Variants in GHR observed in about 807,000 individuals in gnomAD.
GHR encodes the protein GH receptor.
Under a neutral mutation model 67.1 loss-of-function variants are expected in GHR, and 35 were observed. The observed-to-expected ratio is 0.52, with a 90% confidence interval of 0.40 to 0.69. GHR has a LOEUF of 0.69. GHR is among the 30% of genes least tolerant of loss of function. The probability of loss-of-function intolerance (pLI) is 0.00; values close to 1 mark genes in which losing one functional copy is unlikely to be tolerated. For synonymous variants in GHR, 272 were observed against 269.1 expected (o/e 1.01, Z -0.10); for missense variants, 792 against 764.6 (o/e 1.04, Z -0.42).
intron 1 of GHR, among the ~76,000 whole-genome samples, chr5:42,481,027 G>T (rs996366151): frequency 7.3e-5 from 11 of 151,402 alleles, no homozygotes; most frequent in East Asian, 1.9e-4. Context: ...GGCTGGTACC[G>T]GTTGTTCCTT....
intron 1 of GHR, among the ~76,000 whole-genome samples, chr5:42,477,348 G>T (rs867146721): frequency 6.6e-6 from 1 of 152,118 alleles, no homozygotes. Flanking sequence ...ACATACGTGT[G>T]CATGTGTCTT....
intron 2 of GHR, among the ~76,000 whole-genome samples, chr5:42,618,490 G>A (rs922619131): frequency 6.6e-6 from 1 of 152,242 alleles, no homozygotes; most frequent in African/African-American, 2.4e-5. Flanking sequence ...AGAGCCTGCT[G>A]TGTGCAGAGT....
intron 1 of GHR, among the ~76,000 whole-genome samples, chr5:42,535,910 A>AT (rs1173302126): frequency 1.3e-5 from 2 of 151,326 alleles, no homozygotes; most frequent in African/African-American, 2.4e-5. Context: ...TTTATTTTTT[A>AT]TTTTTTTGGC....
intron 1 of GHR, among the ~76,000 whole-genome samples, chr5:42,488,459 A>G (rs1458788947): frequency 6.6e-6 from 1 of 152,178 alleles, no homozygotes; most frequent in Non-Finnish European, 1.5e-5. Context: ...GCTCTCTGAA[A>G]TACAACACCT....
At chr5:42,566,274 T>G (rs1177404677) in intron 2 of GHR, among the ~76,000 whole-genome samples, 1 of 152,216 alleles carries the variant, frequency 6.6e-6, no homozygotes, top group Non-Finnish European at 1.5e-5. Flanking sequence ...ACTGAAGGGT[T>G]ATTAGCTTAC....
intron 1 of GHR, among the ~76,000 whole-genome samples, chr5:42,510,055 C>A (rs915277579): frequency 1.3e-5 from 2 of 152,180 alleles, no homozygotes; most frequent in Non-Finnish European, 2.9e-5. Context: ...ATCGATCACC[C>A]CCCTAACTGC....
chr5:42,545,651 A>T (rs1274119315), intron 1 of GHR, among the ~76,000 whole-genome samples: 1 of 152,172 alleles, frequency 6.6e-6, no homozygotes, highest in Non-Finnish European at 1.5e-5. Context: ...ATTCTGTTTG[A>T]AGTGGAAATC....
At chr5:42,577,927 A>G (rs530452684) in intron 2 of GHR, among the ~76,000 whole-genome samples, 2 of 152,340 alleles carry the variant, frequency 1.3e-5, no homozygotes, top group African/African-American at 4.8e-5. Flanking sequence ...GTAGTTTTAT[A>G]TAGTACGTTA....
intron 1 of GHR, among the ~76,000 whole-genome samples, chr5:42,445,470 T>C (rs1162352512): frequency 1.3e-5 from 2 of 152,240 alleles, no homozygotes; most frequent in African/African-American, 4.8e-5. Flanking sequence ...TAGCCAGCTT[T>C]ATACTCTAAA....
intron 2 of GHR, among the ~76,000 whole-genome samples, chr5:42,616,594 T>A (rs1753162510): frequency 6.6e-6 from 1 of 151,618 alleles, no homozygotes; most frequent in Non-Finnish European, 1.5e-5. Flanking sequence ...ATGGAGAGGC[T>A]CAGACTAAGA....
Position 42,688,643 on chromosome 5 carries a change from T to G in GHR, c.137-247T>G, listed in dbSNP as rs570859059. Among the ~76,000 whole-genome samples, 15 of 152,264 alleles carry G rather than the reference T, an allele frequency of 9.9e-5. No individual in the cohort carries two copies. In the South Asian group the frequency reaches 2.7e-3, roughly 27 times the overall value. On this transcript the variant is annotated intron_variant, in intron 3 of 9. Coordinates refer to ENST00000230882, the MANE Select transcript of GHR (RefSeq NM_000163.5). ...GCTCTGGTTTCTTAAACAGGTCCTA[T>G]GAAATGCTTGAAATAAAAGGCAAAA...
In GHR at chr5:42,719,534, G is replaced by A; in HGVS notation, c.*110G>A. ...ACCTTTTTTGGGGGAGTGACAGGAT[G>A]GGGTATGGATTCTAAAATGCCTTTT... is the stretch of plus-strand genomic sequence containing the variant. On this transcript the variant is annotated 3_prime_UTR_variant, in exon 10 of 10. Transcript: ENST00000230882. 9.8e-7 allele frequency: 1 copy of A among 1,021,828 alleles called. No homozygotes were observed. The highest frequency in any genetic ancestry group is 1.3e-5 in the South Asian group (1 of 78,646). The allele number at this position is 1,021,828 out of a possible 1,614,324, so 63.3% of individuals were successfully genotyped here.
chr5:42,541,296 C>T (rs1259354904), intron 1 of GHR, among the ~76,000 whole-genome samples: 1 of 152,110 alleles, frequency 6.6e-6, no homozygotes, highest in Non-Finnish European at 1.5e-5. Flanking sequence ...CAAGAGCTTA[C>T]AGATGGGTGA....
At chr5:42,693,012 A>T (rs1757493069) in intron 4 of GHR, among the ~76,000 whole-genome samples, 1 of 151,988 alleles carries the variant, frequency 6.6e-6, no homozygotes, top group African/African-American at 2.4e-5. Flanking sequence ...AATTTTTTTA[A>T]CATTTCTCTT....
intron 1 of GHR, among the ~76,000 whole-genome samples, chr5:42,483,777 G>T (rs1179513167): frequency 6.6e-6 from 1 of 152,170 alleles, no homozygotes; most frequent in Non-Finnish European, 1.5e-5. Flanking sequence ...CAGAGAAAGG[G>T]TAACTGTATG....
At position 42,531,634 on chromosome 5, in the gene GHR, C is replaced by A. The variant is rs555423326; in HGVS notation, c.-11-34230C>A. On this transcript the variant is annotated intron_variant, in intron 1 of 9. Coordinates refer to ENST00000230882, the MANE Select transcript of GHR (RefSeq NM_000163.5). ...TGTTGTGTTCTACACAGAGGTTCCA[C>A]CTTTTGCTGCCTTTTATGGTTACTA... Among the ~76,000 whole-genome samples the A allele has an allele frequency of 2.6e-5, 4 of 152,224 alleles. No homozygotes were observed. In the East Asian group the frequency reaches 7.7e-4, roughly 29 times the overall value.
At chr5:42,457,889 C>T (rs1744326664) in intron 1 of GHR, among the ~76,000 whole-genome samples, 1 of 152,174 alleles carries the variant, frequency 6.6e-6, no homozygotes, top group Non-Finnish European at 1.5e-5. Context: ...TTACTAGCCA[C>T]ATGAACCTAC....
chr5:42,640,353 G>A (rs1754404301), intron 3 of GHR, among the ~76,000 whole-genome samples: 1 of 152,226 alleles, frequency 6.6e-6, no homozygotes, highest in East Asian at 1.9e-4. Context: ...CTATCTCAAA[G>A]GGTCATTGTG....
intron 1 of GHR, chr5:42,514,338 C>CCA (rs2112276224): frequency 1.0e-6 from 1 of 980,624 alleles, no homozygotes; most frequent in Non-Finnish European, 1.2e-6. Context: ...TTGTTGAGAT[C>CCA]TCCAGCCTTG....
Sources: allele counts gnomAD v4.1 joint callset (sites outside exome capture counted in the v4.1 genomes callset), GRCh38; gene constraint gnomAD v4.1.1; transcripts MANE v1.5; gene names NCBI Gene and HGNC (gene_info 2026-07-23, HGNC 2026-07-21).